Variants in CFAP43 observed in about 807,000 individuals in gnomAD.
The protein encoded by CFAP43 is cilia and flagella associated protein 43.
Under a neutral mutation model 218.9 loss-of-function variants are expected in CFAP43, and 155 were observed. The observed-to-expected ratio is 0.71, with a 90% CI of 0.62 to 0.81. The LOEUF (loss-of-function observed/expected upper bound fraction) is 0.81, where lower values mean the gene tolerates loss of function less well. Among genes scored for constraint, CFAP43 ranks in the 30% least tolerant of loss-of-function variants. The probability of loss-of-function intolerance (pLI) is 0.00; values close to 1 mark genes in which losing one functional copy is unlikely to be tolerated. For missense variants in CFAP43, 1,778 were observed against 1,954.3 expected (o/e 0.91, Z 1.70); for synonymous variants, 645 against 681.3 (o/e 0.95, Z 0.83).
chr10:104,148,628 T>A (rs1380172830), intron 28 of CFAP43, among the ~76,000 whole-genome samples: 1 of 152,140 alleles, frequency 6.6e-6, no homozygotes, highest in African/African-American at 2.4e-5. Context: ...GGCACTCCCC[T>A]GCACCCTCTC....
intron 12 of CFAP43, among the ~76,000 whole-genome samples, chr10:104,189,837 T>TACTAAAA (rs950503407): frequency 1.3e-5 from 2 of 151,782 alleles, no homozygotes; most frequent in Non-Finnish European, 2.9e-5. Context: ...ACATTTTCTC[T>TACTAAAA]ACTAAAAAAC....
At chr10:104,139,258 TA>T (rs755389029) in intron 34 of CFAP43, among the ~76,000 whole-genome samples, 54 of 152,140 alleles carry the variant, frequency 3.5e-4, no homozygotes, top group Non-Finnish European at 6.3e-4. Flanking sequence ...GACACGTGTG[TA>T]ATTGGAATCC....
At position 104,143,426 on chromosome 10, in the gene CFAP43, T is replaced by C. The variant is rs746094374; in HGVS notation, c.4158A>G (p.Lys1386=). Residue 1386 remains lysine (K), a splice_region_variant and synonymous_variant, in exon 32 of 38, where the codon AAA becomes AAG. Coordinates refer to ENST00000357060, the MANE Select transcript of CFAP43 (RefSeq NM_025145.7). The stretch of plus-strand genomic sequence containing the variant: ...TAAATTAAGTTAAAATAGTATATAC[T>C]TTCTGTTCATTTTCCACTTTTGCTC... ...TRRAKVENEQ[K]VKQKAADLLE... 2 of 1,613,230 alleles carry C rather than the reference T, an allele frequency of 1.2e-6. No homozygotes were observed. Among genetic ancestry groups the C allele is most frequent in the African/African-American group, 2.7e-5 (2 of 74,904 alleles).
At chr10:104,206,067 T>G (rs2090677808) in intron 6 of CFAP43, 37 bp from the exon 7 acceptor site, 5 of 1,482,504 alleles carry the variant, frequency 3.4e-6, no homozygotes, top group Non-Finnish European at 4.6e-6. Flanking sequence ...GCAGGTGACG[T>G]AATTAAAAGT....
intron 4 of CFAP43, among the ~76,000 whole-genome samples, chr10:104,213,790 C>A (rs1280611646): frequency 5.3e-5 from 8 of 152,288 alleles, no homozygotes; most frequent in African/African-American, 1.9e-4. Flanking sequence ...CTGCCTCGGC[C>A]TCCCAGATTG....
At chr10:104,168,951 A>T in intron 20 of CFAP43, 103 bp from the exon 21 acceptor site, 1 of 882,704 alleles carries the variant, frequency 1.1e-6, no homozygotes, top group Non-Finnish European at 1.8e-6. Context: ...CTGCACCTTC[A>T]GTGGTAGAGT....
chr10:104,158,758 T>C (rs1554865431), intron 27 of CFAP43, among the ~76,000 whole-genome samples: 2 of 152,144 alleles, frequency 1.3e-5, no homozygotes, highest in Non-Finnish European at 2.9e-5. Flanking sequence ...TGTGGTTATG[T>C]AGAAGAATAT....
At chr10:104,196,695 A>G (rs1261819862) in intron 10 of CFAP43, among the ~76,000 whole-genome samples, 158 bp downstream of exon 10, 1 of 152,256 alleles carries the variant, frequency 6.6e-6, no homozygotes, top group Non-Finnish European at 1.5e-5. Flanking sequence ...GCTGTGGCAT[A>G]TACTTTACAC....
chr10:104,186,903 A>T (rs1442805202), intron 14 of CFAP43, among the ~76,000 whole-genome samples: 1 of 152,126 alleles, frequency 6.6e-6, no homozygotes, highest in African/African-American at 2.4e-5. Flanking sequence ...GTCTGAAGAG[A>T]GTGTAATGAA....
At chr10:104,204,718 T>C (rs1189251748) in intron 7 of CFAP43, among the ~76,000 whole-genome samples, 1 of 152,086 alleles carries the variant, frequency 6.6e-6, no homozygotes, top group African/African-American at 2.4e-5. Flanking sequence ...AGTGTAGGTG[T>C]ATGTGCTCCA....
At chr10:104,215,146 AAT>A (rs1225742833) in intron 3 of CFAP43, among the ~76,000 whole-genome samples, 2 of 149,904 alleles carry the variant, frequency 1.3e-5, no homozygotes, top group Admixed American at 1.3e-4. Flanking sequence ...AAAATAAATA[AAT>A]AAATAAATAA....
chr10:104,192,416 G>A (rs889855660), intron 11 of CFAP43, 114 bp from the exon 12 acceptor site: 2 of 781,490 alleles, frequency 2.6e-6, no homozygotes, highest in Admixed American at 2.4e-5. Context: ...TTTACGGTTT[G>A]CAATTTTTAA....
chr10:104,185,021 C>T lies in CFAP43; in HGVS notation c.2136G>A (p.Lys712=). Residue 712 remains lysine, a synonymous_variant, in exon 16 of 38, where the codon AAG becomes AAA. Transcript: ENST00000357060. ...TTACTGAATACTGTACGTACTTCCA[C>T]TTTAGGTAGACAAGGGTGCCATCAT... is the stretch of plus-strand genomic sequence containing the variant. ...GRDDGTLVYL[K]WKRFGGHLAS... 6.2e-7 allele frequency: 1 copy of T among 1,614,052 alleles called. No homozygotes were observed. The highest frequency in any genetic ancestry group is 1.1e-5 in the South Asian group (1 of 91,074).
Position 104,194,698 on chromosome 10 carries a change from T to C in CFAP43, c.1294-684A>G, listed in dbSNP as rs780765460. On this transcript the variant is annotated intron_variant, in intron 10 of 37. Transcript: ENST00000357060. Reference sequence around the variant, plus strand: ...AGAATATGATGTCTAAGAGAATAAATTGACTTTCATAATACTAGAGAAATC... The same window carrying C: ...AGAATATGATGTCTAAGAGAATAAACTGACTTTCATAATACTAGAGAAATC... Among the ~76,000 whole-genome samples, 4 of 152,220 alleles carry C rather than the reference T, an allele frequency of 2.6e-5. No individual in the cohort carries two copies. In the East Asian group the frequency reaches 5.8e-4, roughly 22 times the overall value.
rs1404113076 is a variant in CFAP43 at position 104,131,347 on chromosome 10, G to A, written c.4815C>T (p.Asp1605=). ...CATGCTTACCCATTGCATTACAGAT[G>A]TCTTTTCTCTCTGAGACAGCTACCA... ...EELVAVSERK[D]ICNAMGSKLT... The change falls in exon 37 of 38, where the codon GAC becomes GAT. Residue 1605 remains aspartate (D), a synonymous_variant. Transcript: ENST00000357060. The A allele has an allele frequency of 1.9e-6, 3 of 1,611,130 alleles. No individual in the cohort carries two copies. Among genetic ancestry groups the A allele is most frequent in the East Asian group, 4.5e-5 (2 of 44,792 alleles).
At chr10:104,157,531 GA>G (rs530908899) in intron 27 of CFAP43, among the ~76,000 whole-genome samples, 33 of 152,120 alleles carry the variant, frequency 2.2e-4, no homozygotes, top group African/African-American at 6.7e-4. Context: ...ATAGTTTGGT[GA>G]AAAAAACATA....
intron 33 of CFAP43, among the ~76,000 whole-genome samples, chr10:104,141,502 C>T (rs1044076067): frequency 1.3e-5 from 2 of 152,022 alleles, no homozygotes; most frequent in Non-Finnish European, 1.5e-5. Context: ...ATCCCAGCTG[C>T]TTGGGAGGCT....
intron 19 of CFAP43, among the ~76,000 whole-genome samples, chr10:104,175,088 C>CAAAAAAAA (rs141434447): frequency 7.0e-6 from 1 of 142,916 alleles, no homozygotes; most frequent in Non-Finnish European, 1.5e-5. Context: ...AACAAACAAA[C>CAAAAAAAA]AAAAAAAAAC....
rs371318826 is a variant in CFAP43, at chr10:104,162,419, T to C, written c.3247-16A>G. The C allele has an allele frequency of 6.3e-7, 1 of 1,599,414 alleles. No individual in the cohort carries two copies. On this transcript the variant is annotated splice_polypyrimidine_tract_variant and intron_variant, in intron 24 of 37. Transcript: ENST00000357060. ...GGGCTGTAATCTGAAAGAGAAAATGTCATTTCCTGCTATTATTCTTACAAA... is the reference window on the plus strand; with the variant it reads ...GGGCTGTAATCTGAAAGAGAAAATGCCATTTCCTGCTATTATTCTTACAAA...
Sources: gnomAD v4.1 joint callset for allele counts (sites outside exome capture counted in the v4.1 genomes callset) on GRCh38, gnomAD v4.1.1 for gene constraint, MANE v1.5 for transcripts, NCBI Gene and HGNC (gene_info 2026-07-23, HGNC 2026-07-21) for gene names.